Variants in KCTD19 observed in about 807,000 individuals in gnomAD.
KCTD19 encodes potassium channel tetramerization domain containing 19, also known as BTB/POZ domain-containing protein KCTD19.
A neutral mutation model predicts 103.5 loss-of-function variants in KCTD19; 67 were observed. The observed-to-expected ratio is 0.65, with a 90% confidence interval of 0.53 to 0.79. KCTD19 has a LOEUF of 0.79. Among genes scored for constraint, KCTD19 ranks in the 30% least tolerant of loss-of-function variants. The pLI is 0.00. For synonymous variants in KCTD19, 439 were observed against 452.2 expected (o/e 0.97, Z 0.37); for missense variants, 980 against 1,136.1 (o/e 0.86, Z 1.98).
chr16:67,307,367 G>A (rs912783290), intron 2 of KCTD19, among the ~76,000 whole-genome samples: 8 of 149,074 alleles, frequency 5.4e-5, no homozygotes, highest in African/African-American at 1.5e-4. Flanking sequence ...AGGCTGGAGG[G>A]CAGTGGCCCA....
In KCTD19 at chr16:67,293,496, C is replaced by G. The variant is rs1042046722; in HGVS notation, c.2218+48G>C. The G allele has an allele frequency of 3.8e-6, 6 of 1,576,282 alleles. No homozygotes were observed. In the African/African-American group the frequency reaches 6.8e-5, roughly 18 times the overall value. On this transcript the variant is annotated intron_variant, in intron 12 of 15. Transcript: ENST00000304372. This position sits in a 1 kb window ranked among gnomAD's most constrained non-coding sequence, Gnocchi z 4.0. The stretch of plus-strand genomic sequence containing the variant: ...TCTGCCATCTTGGCCAAAGAGTTTG[C>G]CTTCTCTGTTGTGAATAAGACTTAG...
chr16:67,299,397 T>G lies in KCTD19; in HGVS notation c.952A>C (p.Ile318Leu), dbSNP rs770355607. The G allele has an allele frequency of 6.2e-7, 1 of 1,614,226 alleles. No individual in the cohort carries two copies. Among genetic ancestry groups the G allele is most frequent in the Admixed American group, 1.7e-5 (1 of 60,032 alleles). The change falls in exon 6 of 16, where the codon ATC becomes CTC. Residue 318 changes from isoleucine (I) to leucine (L), a missense_variant. Ile to Leu is a conservative substitution (Grantham distance 5, BLOSUM62 2). Coordinates refer to ENST00000304372, the MANE Select transcript of KCTD19 (RefSeq NM_001100915.3). ...ESTLDGSRLYITGNGVLFQHV... is the reference protein window; with the variant it reads ...ESTLDGSRLYLTGNGVLFQHV... Reference sequence around the variant, plus strand: ...TGAAAGAGGACGCCATTCCCTGTGATGTACAGTCGGCTTCCGTCTAGCGTG... The same window carrying G: ...TGAAAGAGGACGCCATTCCCTGTGAGGTACAGTCGGCTTCCGTCTAGCGTG...
intron 2 of KCTD19, among the ~76,000 whole-genome samples, chr16:67,316,794 G>A (rs979560371): frequency 3.3e-5 from 5 of 150,572 alleles, no homozygotes; most frequent in Non-Finnish European, 7.4e-5. Context: ...AGCATCAAGT[G>A]TATCCTTTGG....
At chr16:67,318,333 G>A (rs1353649448) in intron 2 of KCTD19, among the ~76,000 whole-genome samples, 2 of 152,196 alleles carry the variant, frequency 1.3e-5, no homozygotes, top group Admixed American at 6.5e-5. Flanking sequence ...AGGCCAAGGC[G>A]GGAGGATCGC....
chr16:67,296,619 G>C (rs922403797), intron 7 of KCTD19, among the ~76,000 whole-genome samples: 1 of 152,128 alleles, frequency 6.6e-6, no homozygotes, highest in African/African-American at 2.4e-5. Context: ...ATCTCTCTCT[G>C]TGTGTTTATG....
chr16:67,291,612 A>T (rs2036696839), intron 13 of KCTD19, 34 bp downstream of exon 13: 1 of 1,598,796 alleles, frequency 6.3e-7, no homozygotes, highest in South Asian at 1.1e-5. Context: ...CCTCACGAGG[A>T]GGCGCAGGGC....
chr16:67,305,422 T>C (rs956023095), intron 2 of KCTD19: 14 of 288,546 alleles, frequency 4.9e-5, no homozygotes, highest in African/African-American at 3.2e-4. Flanking sequence ...GTCTTACTGA[T>C]GAGGCAGCTG....
Position 67,294,695 on chromosome 16 carries a change from C to T in KCTD19, c.1476-1G>A, listed in dbSNP as rs769216696. 3 of 1,608,560 alleles carry T rather than the reference C, an allele frequency of 1.9e-6. No individual in the cohort carries two copies. The highest frequency in any genetic ancestry group is 2.2e-5 in the East Asian group (1 of 44,856). On this transcript the variant is annotated splice_acceptor_variant, in intron 10 of 15. Coordinates refer to ENST00000304372, the MANE Select transcript of KCTD19 (RefSeq NM_001100915.3). LOFTEE classifies it high-confidence loss of function. ...AGATTCTTTCTCCTGAGTCCATGAC[C>T]TGCAGAAACCAAGAGGGGTTGGTTA...
intron 2 of KCTD19, among the ~76,000 whole-genome samples, chr16:67,311,680 G>T (rs1481094854): frequency 6.6e-6 from 1 of 152,074 alleles, no homozygotes. Flanking sequence ...CATGTGGGGT[G>T]CTTGGGGCAA....
intron 2 of KCTD19, among the ~76,000 whole-genome samples, chr16:67,311,002 C>A (rs2036943474): frequency 1.3e-5 from 2 of 152,200 alleles, no homozygotes; most frequent in African/African-American, 4.8e-5. Flanking sequence ...TCACTGTGGG[C>A]TCCAGTCACC....
chr16:67,297,746 A>G (rs1597393955), intron 6 of KCTD19, 83 bp from the exon 7 acceptor site: 4 of 1,379,206 alleles, frequency 2.9e-6, no homozygotes, highest in Non-Finnish European at 4.0e-6. Flanking sequence ...CATGCCTAGG[A>G]TGCCTTGCCG....
chr16:67,301,559 C>T (rs2036834207), intron 5 of KCTD19, among the ~76,000 whole-genome samples: 1 of 152,142 alleles, frequency 6.6e-6, no homozygotes, highest in South Asian at 2.1e-4. Context: ...GGGCTTTCTA[C>T]ACCCCTGGCT....
At chr16:67,298,926 G>GCCTGC (rs1169533834) in intron 6 of KCTD19, among the ~76,000 whole-genome samples, 110 of 152,350 alleles carry the variant, frequency 7.2e-4, no homozygotes, top group African/African-American at 2.5e-3. Context: ...GCCTGGCCTG[G>GCCTGC]CCTGCCCTGC....
intron 15 of KCTD19, among the ~76,000 whole-genome samples, chr16:67,290,474 G>T (rs1313771311): frequency 6.6e-6 from 1 of 152,092 alleles, no homozygotes; most frequent in African/African-American, 2.4e-5. Context: ...CACCGCGCCC[G>T]GCCTAAGAAT....
intron 2 of KCTD19, chr16:67,305,255 G>T (rs1351853491): frequency 6.4e-6 from 1 of 156,380 alleles, no homozygotes; most frequent in East Asian, 1.9e-4. Context: ...TATTGTTTGT[G>T]TTCATCCTAA....
intron 2 of KCTD19, among the ~76,000 whole-genome samples, chr16:67,315,932 G>A (rs1382660436): frequency 6.6e-6 from 1 of 152,134 alleles, no homozygotes; most frequent in African/African-American, 2.4e-5. Flanking sequence ...ACTAATGTCT[G>A]TAAGTTCTTT....
At chr16:67,319,842 T>C (rs2037052917) in intron 2 of KCTD19, among the ~76,000 whole-genome samples, 1 of 152,086 alleles carries the variant, frequency 6.6e-6, no homozygotes, top group Non-Finnish European at 1.5e-5. Context: ...GCATGTTGTG[T>C]ACCTAACAGA....
intron 6 of KCTD19, 38 bp downstream of exon 6, chr16:67,299,324 AG>A (rs1374324446): frequency 6.3e-7 from 1 of 1,588,870 alleles, no homozygotes; most frequent in African/African-American, 1.3e-5. Context: ...GGCAGAGCCA[AG>A]GGTGATGGGA....
chr16:67,320,731 C>T lies in KCTD19; in HGVS notation c.158G>A (p.Arg53Lys), dbSNP rs1267909172. The change falls in exon 2 of 16, where the codon AGG becomes AAG. Residue 53 changes from arginine to lysine, a missense_variant. By Grantham distance (26) the Arg-to-Lys change is conservative (BLOSUM62 2). Coordinates refer to ENST00000304372, the MANE Select transcript of KCTD19 (RefSeq NM_001100915.3). The surrounding 1 kb of genome is among the most constrained non-coding windows in gnomAD (Gnocchi z 4.0). ...GGAACCATCTCTGTCGATAAATAGC[C>T]TCTGGCTTTCTGAAGAGGTCAAGGC... is the stretch of plus-strand genomic sequence containing the variant. The part of the protein sequence containing the change: ...ASALTSSESQ[R>K]LFIDRDGSTF... The T allele has an allele frequency of 6.2e-7, 1 of 1,614,042 alleles. No homozygotes were observed. The highest frequency in any genetic ancestry group is 1.3e-5 in the African/African-American group (1 of 74,932).
Sources: allele counts gnomAD v4.1 joint callset (sites outside exome capture counted in the v4.1 genomes callset), GRCh38; gene constraint gnomAD v4.1.1; non-coding constraint Gnocchi (gnomAD v3.1); transcripts MANE v1.5; gene names NCBI Gene and HGNC (gene_info 2026-07-23, HGNC 2026-07-21).